The following RPH3A variants were observed in gnomAD, a reference collection of about 807,000 sequenced individuals.
RPH3A encodes rabphilin 3A, also known as rabphilin-3A.
A neutral mutation model predicts 102.2 loss-of-function variants in RPH3A; 48 were observed. The observed-to-expected ratio is 0.47, with a 90% CI of 0.37 to 0.60. The LOEUF (loss-of-function observed/expected upper bound fraction) is 0.60, where lower values mean the gene tolerates loss of function less well. RPH3A is among the 20% of genes least tolerant of loss of function. The pLI, the probability that RPH3A is intolerant of heterozygous loss-of-function variation, is 0.00. For missense variants in RPH3A, 781 were observed against 910.1 expected (o/e 0.86, Z 1.83); for synonymous variants, 310 against 324.3 (o/e 0.96, Z 0.47).
At chr12:112,759,632 C>T (rs192783448) in intron 1 of RPH3A, among the ~76,000 whole-genome samples, 1 of 152,288 alleles carries the variant, frequency 6.6e-6, no homozygotes, top group East Asian at 1.9e-4. Flanking sequence ...CACAAAACTG[C>T]AGGAGTATGG....
At chr12:112,604,358 A>G (rs1381472501) in intron 1 of RPH3A, among the ~76,000 whole-genome samples, 1 of 152,124 alleles carries the variant, frequency 6.6e-6, no homozygotes, top group Non-Finnish European at 1.5e-5. Context: ...ACTTTTTTCC[A>G]TGTTATAAAA....
At chr12:112,605,696 G>A (rs1340627959) in intron 1 of RPH3A, among the ~76,000 whole-genome samples, 3 of 152,184 alleles carry the variant, frequency 2.0e-5, no homozygotes, top group Non-Finnish European at 1.5e-5. Context: ...TTATATCCAA[G>A]CAAGTCTTTC....
At chr12:112,878,539 G>A (rs1166920591) in intron 13 of RPH3A, among the ~76,000 whole-genome samples, 1 of 152,196 alleles carries the variant, frequency 6.6e-6, no homozygotes, top group African/African-American at 2.4e-5. Flanking sequence ...GTGAAGAGAG[G>A]CAGTTAACAT....
intron 1 of RPH3A, among the ~76,000 whole-genome samples, chr12:112,586,540 G>C (rs145124298): frequency 1.3e-5 from 2 of 152,212 alleles, no homozygotes; most frequent in East Asian, 3.9e-4. Context: ...AATAAGCTAA[G>C]AGTATTACAA....
At chr12:112,691,693 G>A (rs1349418554) in intron 1 of RPH3A, among the ~76,000 whole-genome samples, 1 of 152,100 alleles carries the variant, frequency 6.6e-6, no homozygotes, top group Admixed American at 6.5e-5. Flanking sequence ...AACTCTACTT[G>A]CCTTAAACAG....
intron 2 of RPH3A, among the ~76,000 whole-genome samples, chr12:112,817,738 C>T (rs941104913): frequency 3.9e-5 from 6 of 151,990 alleles, no homozygotes; most frequent in African/African-American, 1.5e-4. Flanking sequence ...TTTTAATTGT[C>T]GTTGTAAGGT....
chr12:112,653,134 T>C (rs1415074965), intron 1 of RPH3A, among the ~76,000 whole-genome samples: 1 of 152,134 alleles, frequency 6.6e-6, no homozygotes, highest in African/African-American at 2.4e-5. Context: ...CTCACACCTG[T>C]AATCCCAGCA....
At chr12:112,856,281 T>C (rs1013037461) in intron 5 of RPH3A, among the ~76,000 whole-genome samples, 5 of 152,158 alleles carry the variant, frequency 3.3e-5, no homozygotes, top group Admixed American at 6.5e-5. Context: ...TCAAAAGTAG[T>C]TACTTGAATG....
At chr12:112,735,562 G>A (rs533405398) in intron 1 of RPH3A, among the ~76,000 whole-genome samples, 1 of 152,292 alleles carries the variant, frequency 6.6e-6, no homozygotes, top group South Asian at 2.1e-4. Context: ...ACATGCCTTC[G>A]TTACTGCCAT....
At chr12:112,758,950 C>T (rs975707778) in intron 1 of RPH3A, among the ~76,000 whole-genome samples, 1 of 152,130 alleles carries the variant, frequency 6.6e-6, no homozygotes, top group Non-Finnish European at 1.5e-5. Flanking sequence ...TGAATAAATC[C>T]TCTTAATAAA....
At chr12:112,850,214 A>G (rs1046124651) in intron 5 of RPH3A, among the ~76,000 whole-genome samples, 1 of 152,224 alleles carries the variant, frequency 6.6e-6, no homozygotes, top group Non-Finnish European at 1.5e-5. Flanking sequence ...AAATGGGGAT[A>G]ACATTATCAC....
chr12:112,577,507 TG>T, intron 1 of RPH3A, among the ~76,000 whole-genome samples: 1 of 152,238 alleles, frequency 6.6e-6, no homozygotes, highest in East Asian at 1.9e-4. Flanking sequence ...GGGTTTTGGC[TG>T]GCTTCTTTAC....
chr12:112,875,084 G>T lies in RPH3A; in HGVS notation c.797G>T (p.Gly266Val). 6.2e-7 allele frequency: 1 copy of T among 1,606,478 alleles called. No individual in the cohort carries two copies. Among genetic ancestry groups the T allele is most frequent in the South Asian group, 1.1e-5 (1 of 89,472 alleles). The part of the protein sequence containing the change: ...GAGDSSRSPA[G>V]LRRANSVQAS... ...CTGTTTTCTTTTCTTTCCTCTGCAG[G>T]TTTGAGACGGGCCAACTCAGTCCAG... Residue 266 changes from glycine to valine, a missense_variant and splice_region_variant, in exon 11 of 22, where the codon GGT (glycine) becomes GTT (valine). Transcript: ENST00000389385.
At position 112,618,728 on chromosome 12, in the gene RPH3A, T is replaced by C. The variant is rs370807893; in HGVS notation, c.-140+43409T>C. On this transcript the variant is annotated intron_variant, in intron 1 of 21. Coordinates refer to the RPH3A transcript ENST00000543106. ...AGATATAATTCTTATACCATACAAT[T>C]TGTCCATGTAAAGCGAGCCACTCAA... 4.9e-4 allele frequency among the ~76,000 whole-genome samples: 75 copies of C among 152,334 alleles called. 1 individual carries two copies. The highest frequency in any genetic ancestry group is 1.6e-3 in the African/African-American group (67 of 41,572).
intron 4 of RPH3A, among the ~76,000 whole-genome samples, chr12:112,847,264 T>G (rs2042246312): frequency 6.6e-6 from 1 of 152,208 alleles, no homozygotes; most frequent in Non-Finnish European, 1.5e-5. Context: ...AAGAGATTTT[T>G]GGAGACCTAG....
intron 1 of RPH3A, among the ~76,000 whole-genome samples, chr12:112,752,123 C>T (rs2040789357): frequency 6.6e-6 from 1 of 152,110 alleles, no homozygotes; most frequent in African/African-American, 2.4e-5. Context: ...ATACAATAAG[C>T]ACATATGACC....
intron 1 of RPH3A, among the ~76,000 whole-genome samples, chr12:112,774,661 C>T (rs1426284094): frequency 6.6e-6 from 1 of 152,092 alleles, no homozygotes; most frequent in Non-Finnish European, 1.5e-5. Context: ...TTATCCTCAG[C>T]AAACTAATGC....
chr12:112,749,891 GT>G (rs200651061), intron 1 of RPH3A, among the ~76,000 whole-genome samples: 1 of 151,748 alleles, frequency 6.6e-6, no homozygotes, highest in African/African-American at 2.4e-5. Context: ...TTTTGTTTTT[GT>G]TTTTTTTGTT....
At chr12:112,861,491 G>A (rs1427422706) in intron 5 of RPH3A, among the ~76,000 whole-genome samples, 1 of 152,192 alleles carries the variant, frequency 6.6e-6, no homozygotes, top group East Asian at 1.9e-4. Context: ...CCTGTTCAAG[G>A]CGATCCCCGT....
Sources: allele counts gnomAD v4.1 joint callset (sites outside exome capture counted in the v4.1 genomes callset), GRCh38; gene constraint gnomAD v4.1.1; transcripts MANE v1.5; gene names NCBI Gene and HGNC (gene_info 2026-07-23, HGNC 2026-07-21).